The following MECOM variants were observed in gnomAD, a reference collection of about 807,000 sequenced individuals.
The protein encoded by MECOM is MDS1 and EVI1 complex locus.
In MECOM, 13 loss-of-function variants were observed where a neutral mutation model predicts 116.3. That is an observed-to-expected ratio of 0.11 (90% confidence interval 0.07 to 0.18). The LOEUF (loss-of-function observed/expected upper bound fraction) is 0.18, where lower values mean the gene tolerates loss of function less well. Among genes scored for constraint, MECOM ranks in the 10% least tolerant of loss-of-function variants. The pLI, the probability that MECOM is intolerant of heterozygous loss-of-function variation, is 1.00. For missense variants in MECOM, 1,299 were observed against 1,509.0 expected (o/e 0.86, Z 2.31); for synonymous variants, 528 against 535.2 (o/e 0.99, Z 0.19).
At chr3:169,497,838 T>C (rs771789587) in intron 1 of MECOM, among the ~76,000 whole-genome samples, 4 of 152,244 alleles carry the variant, frequency 2.6e-5, no homozygotes, top group Non-Finnish European at 5.9e-5. Context: ...AAATTCCATA[T>C]GTAGGCTTTA....
At chr3:169,381,931 T>G (rs1732455600) in intron 1 of MECOM, among the ~76,000 whole-genome samples, 1 of 152,200 alleles carries the variant, frequency 6.6e-6, no homozygotes, top group African/African-American at 2.4e-5. Flanking sequence ...AGTTTTGTCA[T>G]GCAATGTTAT....
At chr3:169,373,591 A>G (rs1730512030) in intron 2 of MECOM, among the ~76,000 whole-genome samples, 1 of 151,982 alleles carries the variant, frequency 6.6e-6, no homozygotes, top group African/African-American at 2.4e-5. Context: ...TTGTAGATAC[A>G]TAGTAGGCAA....
At chr3:169,498,694 G>C (rs1044476062) in intron 1 of MECOM, among the ~76,000 whole-genome samples, 2 of 152,078 alleles carry the variant, frequency 1.3e-5, no homozygotes, top group Admixed American at 1.3e-4. Context: ...ATGCAAGATA[G>C]GCTCTTAAAA....
At chr3:169,336,501 A>G (rs1226924575) in intron 2 of MECOM, among the ~76,000 whole-genome samples, 1 of 152,174 alleles carries the variant, frequency 6.6e-6, no homozygotes, top group Admixed American at 6.6e-5. Flanking sequence ...TAATTCACTT[A>G]TCAGTGCTTG....
rs146842784 is a variant in MECOM at position 169,382,192 on chromosome 3, G to T, written c.38-668C>A. ...ATTCGTAAACGCTAAAATCGTTAAAGAAATTGGGTAAATTTTCCAGCGGGG... is the reference window on the plus strand; with the variant it reads ...ATTCGTAAACGCTAAAATCGTTAAATAAATTGGGTAAATTTTCCAGCGGGG... On this transcript the variant is annotated intron_variant, in intron 1 of 16. Transcript: ENST00000651503. Among the ~76,000 whole-genome samples the T allele has an allele frequency of 1.4e-3, 213 of 152,256 alleles. 1 individual carries two copies. Among genetic ancestry groups the T allele is most frequent in the African/African-American group, 4.9e-3 (205 of 41,548 alleles).
intron 1 of MECOM, among the ~76,000 whole-genome samples, chr3:169,576,838 C>CAGAGAGAGAG (rs59983835): frequency 0.1 from 12,740 of 124,390 alleles, 867 homozygotes; most frequent in Middle Eastern, 0.19. Flanking sequence ...CACACACACA[C>CAGAGAGAGAG]AGAGAGAGAG....
At chr3:169,168,516 T>C (rs376275341) in intron 2 of MECOM, among the ~76,000 whole-genome samples, 26 of 152,264 alleles carry the variant, frequency 1.7e-4, no homozygotes, top group African/African-American at 6.3e-4. Context: ...GATTTGTTAA[T>C]ATCAATTGCA....
rs1776607918 is a variant in MECOM at position 169,663,512 on chromosome 3, C to G, written c.-140G>C. ...TCTCTCTCTCTCTCTCTCTCTCTCT[C>G]TCTCTCTCTCTCTCTCTCCCTCCCT... is the stretch of plus-strand genomic sequence containing the variant. On this transcript the variant is annotated 5_prime_UTR_variant, in exon 1 of 17. Coordinates refer to ENST00000651503, the MANE Select transcript of MECOM (RefSeq NM_004991.4). 1.5e-6 allele frequency: 1 copy of G among 679,472 alleles called. No individual in the cohort carries two copies. Among genetic ancestry groups the G allele is most frequent in the African/African-American group, 1.9e-5 (1 of 53,720 alleles). The allele number at this position is 679,472 out of a possible 1,614,324, so 42.1% of individuals were successfully genotyped here. A position where few individuals can be genotyped will look rare whatever the true frequency, so the allele number is the denominator to read the frequency against.
At chr3:169,532,503 C>A (rs1181439001) in intron 1 of MECOM, among the ~76,000 whole-genome samples, 1 of 152,194 alleles carries the variant, frequency 6.6e-6, no homozygotes, top group African/African-American at 2.4e-5. Context: ...TCAGAGGATT[C>A]CATGCTAGAT....
chr3:169,436,170 T>C (rs1200835515), intron 1 of MECOM, among the ~76,000 whole-genome samples: 1 of 150,984 alleles, frequency 6.6e-6, no homozygotes, highest in Non-Finnish European at 1.5e-5. Context: ...GGAAGAAATA[T>C]CACATTGTGC....
intron 2 of MECOM, among the ~76,000 whole-genome samples, chr3:169,217,594 G>A (rs1751572514): frequency 6.6e-6 from 1 of 151,964 alleles, no homozygotes; most frequent in Non-Finnish European, 1.5e-5. Flanking sequence ...GACCAGCCTG[G>A]CTAACATGGC....
chr3:169,085,083 A>G (rs1219879663), intron 16 of MECOM, 40 bp from the exon 17 acceptor site: 2 of 1,611,904 alleles, frequency 1.2e-6, no homozygotes, highest in African/African-American at 1.3e-5. Flanking sequence ...ATGGCATTTG[A>G]AAAACATCAC....
chr3:169,089,936 G>A, intron 15 of MECOM, 64 bp downstream of exon 15: 1 of 1,526,922 alleles, frequency 6.5e-7, no homozygotes, highest in South Asian at 1.3e-5. Flanking sequence ...CTTATCACAG[G>A]AGGAATTGCA....
intron 1 of MECOM, among the ~76,000 whole-genome samples, chr3:169,519,817 G>A (rs1757136905): frequency 6.6e-6 from 1 of 152,196 alleles, no homozygotes; most frequent in Non-Finnish European, 1.5e-5. Flanking sequence ...CCAATCTTCT[G>A]GCAACAACAG....
At chr3:169,422,323 A>G (rs1476133012) in intron 1 of MECOM, among the ~76,000 whole-genome samples, 2 of 152,266 alleles carry the variant, frequency 1.3e-5, no homozygotes, top group African/African-American at 4.8e-5. Context: ...ATGATCATTC[A>G]CATTCCTTAA....
chr3:169,613,947 T>A (rs1769615977), intron 1 of MECOM: 1 of 152,186 alleles, frequency 6.6e-6, no homozygotes, highest in Non-Finnish European at 1.5e-5. Flanking sequence ...TGGTCTTATG[T>A]TCCATCTTTT....
chr3:169,351,679 A>G (rs1726367886), intron 2 of MECOM, among the ~76,000 whole-genome samples: 2 of 151,920 alleles, frequency 1.3e-5, no homozygotes, highest in South Asian at 4.1e-4. Flanking sequence ...ACTCTTTCTC[A>G]AGTGTTTGAA....
At chr3:169,303,132 C>A (rs1016283556) in intron 2 of MECOM, among the ~76,000 whole-genome samples, 1 of 152,158 alleles carries the variant, frequency 6.6e-6, no homozygotes, top group African/African-American at 2.4e-5. Flanking sequence ...CAAGAGAATT[C>A]TTTGGATTTT....
intron 1 of MECOM, among the ~76,000 whole-genome samples, chr3:169,468,088 G>C (rs75103311): frequency 6.6e-6 from 1 of 150,854 alleles, no homozygotes; most frequent in Non-Finnish European, 1.5e-5. Flanking sequence ...AACAGTCTTC[G>C]TGTGCTTCTT....
Sources: allele counts gnomAD v4.1 joint callset (sites outside exome capture counted in the v4.1 genomes callset), GRCh38; gene constraint gnomAD v4.1.1; transcripts MANE v1.5; gene names NCBI Gene and HGNC (gene_info 2026-07-23, HGNC 2026-07-21).